Variants in ACSM1 observed in about 807,000 individuals in gnomAD.
The protein encoded by ACSM1 is acyl-coenzyme A synthetase ACSM1, mitochondrial.
ACSM1 carries 79 observed loss-of-function variants against 75.8 expected under a neutral mutation model. The observed-to-expected ratio is 1.04, with a 90% CI of 0.87 to 1.26. The LOEUF (loss-of-function observed/expected upper bound fraction) is 1.26. ACSM1 is among the 50% of genes most tolerant of loss of function. The pLI, the probability that ACSM1 is intolerant of heterozygous loss-of-function variation, is 0.00. For synonymous variants in ACSM1, 279 were observed against 265.8 expected, an observed-to-expected ratio of 1.05 and a Z score of -0.48; for missense variants, 676 against 720.1, an observed-to-expected ratio of 0.94 and a Z score of 0.70.
At chr16:20,695,522 T>C (rs1299029918) in intron 1 of ACSM1, among the ~76,000 whole-genome samples, 1 of 152,164 alleles carries the variant, frequency 6.6e-6, no homozygotes, top group East Asian at 1.9e-4. Flanking sequence ...ACCATAGGAC[T>C]GGTATATGTC....
chr16:20,685,173 G>C lies in ACSM1; in HGVS notation c.403+20C>G, dbSNP rs374365200. ...CTAGAACAGCCCCGAGGTCCACCAG[G>C]TCCCTCTTGCATCACTGACCTGTTC... is the stretch of plus-strand genomic sequence containing the variant. On this transcript the variant is annotated intron_variant, in intron 3 of 13. Coordinates refer to ENST00000520010, the MANE Select transcript of ACSM1 (RefSeq NM_001318890.3). The C allele has an allele frequency of 2.0e-5, 32 of 1,613,704 alleles. No homozygotes were observed. Among genetic ancestry groups the C allele is most frequent in the Non-Finnish European group, 2.7e-5 (32 of 1,179,756 alleles).
At chr16:20,646,891 T>A (rs2018397803) in intron 7 of ACSM1, among the ~76,000 whole-genome samples, 1 of 152,198 alleles carries the variant, frequency 6.6e-6, no homozygotes, top group East Asian at 1.9e-4. Flanking sequence ...ATATACTTCC[T>A]CCAATTCCTG....
intron 11 of ACSM1, among the ~76,000 whole-genome samples, chr16:20,626,934 C>G (rs190447656): frequency 1.3e-5 from 2 of 152,058 alleles, no homozygotes; most frequent in Non-Finnish European, 2.9e-5. Flanking sequence ...CCACTCCCCC[C>G]ACCCCACTGT....
chr16:20,624,206 CCTT>C lies in ACSM1; in HGVS notation c.1534_1536del (p.Lys512del), dbSNP rs1240168093. On this transcript the variant is annotated inframe_deletion, in exon 13 of 14. Transcript: ENST00000520010. ...AACTGTGGGGTCAGGACAATAAAGGCCTTCACCACCTGCAGAATGAAGTCATGG... is the reference window on the plus strand; with the variant it reads ...AACTGTGGGGTCAGGACAATAAAGGCCACCACCTGCAGAATGAAGTCATGG... 1 of 1,608,978 alleles carries C rather than the reference CCTT, an allele frequency of 6.2e-7. No individual in the cohort carries two copies. Among genetic ancestry groups the C allele is most frequent in the Non-Finnish European group, 8.5e-7 (1 of 1,176,872 alleles).
intron 7 of ACSM1, among the ~76,000 whole-genome samples, chr16:20,657,410 G>T (rs1384214223): frequency 6.6e-6 from 1 of 152,036 alleles, no homozygotes; most frequent in African/African-American, 2.4e-5. Flanking sequence ...CTGTGTTCAA[G>T]CAATTTTCCT....
At chr16:20,650,775 CAG>C (rs1042672932) in intron 7 of ACSM1, among the ~76,000 whole-genome samples, 2 of 152,054 alleles carry the variant, frequency 1.3e-5, no homozygotes, top group African/African-American at 4.8e-5. Context: ...CTCCACTTGC[CAG>C]AGTTTATATA....
chr16:20,662,875 C>A (rs1486303429), intron 6 of ACSM1, among the ~76,000 whole-genome samples: 1 of 152,152 alleles, frequency 6.6e-6, no homozygotes, highest in Non-Finnish European at 1.5e-5. Context: ...CTGTGAAAGT[C>A]TCAGGCCCAC....
chr16:20,677,720 G>T (rs2020376940), intron 4 of ACSM1, among the ~76,000 whole-genome samples: 1 of 152,178 alleles, frequency 6.6e-6, no homozygotes, highest in Non-Finnish European at 1.5e-5. Context: ...TAGAGGTGCA[G>T]TCTTTGCCTA....
Position 20,691,153 on chromosome 16 carries a change from G to A in ACSM1, c.36C>T (p.Gly12=). ...GGATGTTGTGGAAGGATTTGTGGAT[G>A]CCCCAGAGGGTCCGGAACCTCATTA... is the stretch of plus-strand genomic sequence containing the variant. ...QWLMRFRTLW[G]IHKSFHNIHP... The change falls in exon 2 of 14, where the codon GGC becomes GGT. Residue 12 remains glycine, a synonymous_variant. Transcript: ENST00000520010. 6.2e-7 allele frequency: 1 copy of A among 1,610,736 alleles called. No homozygotes were observed. The highest frequency in any genetic ancestry group is 8.5e-7 in the Non-Finnish European group (1 of 1,178,682).
chr16:20,669,678 C>G, intron 6 of ACSM1, 149 bp downstream of exon 6: 1 of 731,038 alleles, frequency 1.4e-6, no homozygotes. Flanking sequence ...GTGACTCAGA[C>G]TCAGTGCATC....
At chr16:20,623,928 G>A (rs1245596731) in intron 13 of ACSM1, among the ~76,000 whole-genome samples, 168 bp downstream of exon 13, 1 of 152,234 alleles carries the variant, frequency 6.6e-6, no homozygotes, top group African/African-American at 2.4e-5. Context: ...GATGTGGAGG[G>A]CAGGGCCAAG....
At chr16:20,661,979 T>C in intron 6 of ACSM1, 106 bp from the exon 7 acceptor site, 1 of 624,170 alleles carries the variant, frequency 1.6e-6, no homozygotes, top group Non-Finnish European at 2.9e-6. Flanking sequence ...AGCCCATTTG[T>C]TAATTTCTTA....
Position 20,624,085 on chromosome 16 carries a change from C to A in ACSM1, c.1647+11G>T. 1 of 1,610,824 alleles carries A rather than the reference C, an allele frequency of 6.2e-7. No homozygotes were observed. On this transcript the variant is annotated intron_variant, in intron 13 of 13. Transcript: ENST00000520010. ...AGGGCCACCAGATCCCTTCCATCTG[C>A]CCTCACTCACCTTCCTTGGGTACTT...
intron 7 of ACSM1, among the ~76,000 whole-genome samples, chr16:20,643,710 C>G (rs867441491): frequency 2.6e-5 from 4 of 152,240 alleles, no homozygotes; most frequent in Admixed American, 2.0e-4. Context: ...TTATTTGGCC[C>G]TGCCCACATG....
intron 7 of ACSM1, among the ~76,000 whole-genome samples, chr16:20,641,970 T>C (rs2018088066): frequency 6.6e-6 from 1 of 152,216 alleles, no homozygotes; most frequent in East Asian, 1.9e-4. Flanking sequence ...TCCTAAGACA[T>C]GTATTACGAA....
At chr16:20,659,329 C>T (rs568207997) in intron 7 of ACSM1, among the ~76,000 whole-genome samples, 2 of 152,278 alleles carry the variant, frequency 1.3e-5, no homozygotes, top group East Asian at 3.9e-4. Context: ...TTCCTAGTGC[C>T]ATGGGACCTG....
intron 10 of ACSM1, 105 bp from the exon 11 acceptor site, chr16:20,627,421 C>G (rs1041272739): frequency 7.4e-7 from 1 of 1,356,340 alleles, no homozygotes; most frequent in Non-Finnish European, 9.7e-7. Context: ...TGTTTCTACT[C>G]GGTACCTGGG....
chr16:20,653,153 C>T (rs1285405812), intron 7 of ACSM1, among the ~76,000 whole-genome samples: 2 of 152,054 alleles, frequency 1.3e-5, no homozygotes, highest in Non-Finnish European at 2.9e-5. Context: ...ATATAAAAAC[C>T]ACATGATTAT....
At chr16:20,696,428 T>G (rs1372439510) in intron 1 of ACSM1, among the ~76,000 whole-genome samples, 1 of 152,226 alleles carries the variant, frequency 6.6e-6, no homozygotes, top group Non-Finnish European at 1.5e-5. Flanking sequence ...TTCCCTTCTT[T>G]GTCATAATTC....
Sources: allele counts gnomAD v4.1 joint callset (sites outside exome capture counted in the v4.1 genomes callset), GRCh38; gene constraint gnomAD v4.1.1; transcripts MANE v1.5; gene names NCBI Gene and HGNC (gene_info 2026-07-23, HGNC 2026-07-21).